Variants in DHRS7 observed in about 807,000 individuals in gnomAD.
DHRS7 encodes dehydrogenase/reductase SDR family member 7.
A neutral mutation model predicts 38.9 loss-of-function variants in DHRS7; 34 were observed. That is an observed-to-expected ratio of 0.87 (90% confidence interval 0.66 to 1.16). The LOEUF (loss-of-function observed/expected upper bound fraction) is 1.16, where lower values mean the gene tolerates loss of function less well. Among genes scored for constraint, DHRS7 ranks in the 50% most tolerant of loss-of-function variants. The pLI is 0.00. For synonymous variants in DHRS7, 158 were observed against 153.1 expected, an observed-to-expected ratio of 1.03 and a Z score of -0.24; for missense variants, 421 against 407.0, an observed-to-expected ratio of 1.03 and a Z score of -0.30.
chr14:60,147,507 T>G (rs983087786), intron 6 of DHRS7: 5 of 152,188 alleles, frequency 3.3e-5, no homozygotes, highest in Admixed American at 2.0e-4. Flanking sequence ...ATAATTTTTA[T>G]GTGTCAATTA....
rs192288471 is a variant in DHRS7, at chr14:60,148,250, A to G, written c.972+1103T>C. The G allele has an allele frequency of 6.6e-6, 1 of 152,340 alleles. No homozygotes were observed. Among genetic ancestry groups the G allele is most frequent in the East Asian group, 1.9e-4 (1 of 5,180 alleles). The allele number at this position is 152,340 out of a possible 1,614,324, so 9.4% of individuals were successfully genotyped here. On this transcript the variant is annotated intron_variant, in intron 6 of 6. Transcript: ENST00000557185. This position sits in a 1 kb window ranked among gnomAD's most constrained non-coding sequence, Gnocchi z 4.8. ...GTGGATTGCTTAAATTTTTGCAGGT[A>G]TATATAGTATGATCTTGTTTTATAA... is the stretch of plus-strand genomic sequence containing the variant.
chr14:60,163,930 G>A (rs1896813276), intron 1 of DHRS7, among the ~76,000 whole-genome samples: 1 of 152,180 alleles, frequency 6.6e-6, no homozygotes, highest in Non-Finnish European at 1.5e-5. Flanking sequence ...AATCGATCAA[G>A]AGAAAGCCCT....
chr14:60,157,299 C>T (rs1896678625), intron 1 of DHRS7, among the ~76,000 whole-genome samples: 1 of 152,210 alleles, frequency 6.6e-6, no homozygotes, highest in African/African-American at 2.4e-5. Flanking sequence ...AGAACACATC[C>T]TTCACAGGAT....
chr14:60,160,595 G>T (rs963863890), intron 1 of DHRS7, among the ~76,000 whole-genome samples: 1 of 151,780 alleles, frequency 6.6e-6, no homozygotes, highest in Admixed American at 6.6e-5. Flanking sequence ...CGGGGGGACG[G>T]GGGGAGGGGA....
At chr14:60,151,282 A>G (rs1896538935) in intron 4 of DHRS7, among the ~76,000 whole-genome samples, 1 of 152,174 alleles carries the variant, frequency 6.6e-6, no homozygotes, top group Admixed American at 6.5e-5. Flanking sequence ...GATACTGACC[A>G]TTTCTAAACC....
chr14:60,156,341 A>G (rs1254039), intron 1 of DHRS7, among the ~76,000 whole-genome samples, 189 bp from the exon 2 acceptor site: 26,307 of 151,958 alleles, frequency 0.17, 2,738 homozygotes, highest in South Asian at 0.3. Context: ...AAGCATTAAT[A>G]CAAATCATAC....
intron 4 of DHRS7, among the ~76,000 whole-genome samples, chr14:60,150,857 G>A (rs561439194): frequency 1.3e-5 from 2 of 152,264 alleles, no homozygotes; most frequent in East Asian, 1.9e-4. Flanking sequence ...TTGATAGTGA[G>A]GGGTCTTCCC....
At chr14:60,166,165 C>A, upstream of DHRS7, 1 of 926,320 alleles carries the variant, frequency 1.1e-6, no homozygotes, top group Non-Finnish European at 1.3e-6. Context: ...TTTGAAATGA[C>A]CTTCAAAACA....
rs996126448 is a variant in DHRS7 at position 60,148,335 on chromosome 14, A to G, written c.972+1018T>C. On this transcript the variant is annotated intron_variant, in intron 6 of 6. Coordinates refer to ENST00000557185, the MANE Select transcript of DHRS7 (RefSeq NM_016029.4). The surrounding 1 kb of genome is among the most constrained non-coding windows in gnomAD (Gnocchi z 4.8). The stretch of plus-strand genomic sequence containing the variant: ...TTCTAAAAGAAGGTGGTAACAAAGT[A>G]TATCAAAGGCTAACAGTAAAAACCA... The G allele has an allele frequency of 7.2e-5, 11 of 152,238 alleles. No homozygotes were observed. Among genetic ancestry groups the G allele is most frequent in the South Asian group, 2.1e-4 (1 of 4,838 alleles). The allele number at this position is 152,238 out of a possible 1,614,324, so 9.4% of individuals were successfully genotyped here.
chr14:60,161,768 G>A lies in DHRS7; in HGVS notation c.133+3409C>T, dbSNP rs977659659. 1.3e-5 allele frequency among the ~76,000 whole-genome samples: 2 copies of A among 152,182 alleles called. No individual in the cohort carries two copies. The highest frequency in any genetic ancestry group is 4.8e-5 in the African/African-American group (2 of 41,438). ...GTCCCCCAGAAGGTAGGGTCTATGA[G>A]GGCCTGGACTGTGGCTGATTCAGTC... On this transcript the variant is annotated intron_variant, in intron 1 of 6. Transcript: ENST00000557185. The surrounding 1 kb of genome is among the most constrained non-coding windows in gnomAD (Gnocchi z 4.2).
upstream of DHRS7, among the ~76,000 whole-genome samples, chr14:60,167,727 G>A (rs1896885704): frequency 6.6e-6 from 1 of 152,166 alleles, no homozygotes; most frequent in South Asian, 2.1e-4. Context: ...ATCTAGGGAG[G>A]GAATATTCTT....
chr14:60,155,168 G>C (rs946202974), intron 2 of DHRS7, among the ~76,000 whole-genome samples: 7 of 152,102 alleles, frequency 4.6e-5, no homozygotes, highest in Non-Finnish European at 8.8e-5. Context: ...GAACATAATG[G>C]CTGGGTGCGG....
At chr14:60,165,437 G>A, upstream of DHRS7, 1 of 1,391,090 alleles carries the variant, frequency 7.2e-7, no homozygotes, top group Non-Finnish European at 9.3e-7. The surrounding 1 kb of genome is among the most constrained non-coding windows in gnomAD (Gnocchi z 4.6). Flanking sequence ...TCCGCCCAGG[G>A]AGCAGGCCGG....
intron 4 of DHRS7, among the ~76,000 whole-genome samples, chr14:60,150,925 A>T (rs1190457933): frequency 6.6e-6 from 1 of 152,120 alleles, no homozygotes; most frequent in Admixed American, 6.5e-5. Context: ...ATCCCTATAG[A>T]TTCTGATATA....
intron 1 of DHRS7, among the ~76,000 whole-genome samples, chr14:60,160,776 A>G (rs1026073731): frequency 7.9e-5 from 12 of 151,912 alleles, no homozygotes; most frequent in Non-Finnish European, 1.6e-4. Context: ...TTTTTTGTAG[A>G]TATGAGGTTT....
At chr14:60,167,826 G>C (rs751188977), upstream of DHRS7, among the ~76,000 whole-genome samples, 38 of 152,180 alleles carry the variant, frequency 2.5e-4, no homozygotes, top group Non-Finnish European at 5.1e-4. Flanking sequence ...GATGAACAGT[G>C]GCCATAGTGC....
chr14:60,164,709 G>A (rs1012637415), intron 1 of DHRS7, among the ~76,000 whole-genome samples: 1 of 152,188 alleles, frequency 6.6e-6, no homozygotes, highest in Non-Finnish European at 1.5e-5. Flanking sequence ...AAAACTGCAG[G>A]AGTGGGAAGT....
At chr14:60,154,094 G>T (rs755070233) in intron 2 of DHRS7, 29 bp from the exon 3 acceptor site, 2 of 1,575,714 alleles carry the variant, frequency 1.3e-6, no homozygotes, top group Non-Finnish European at 8.7e-7. Flanking sequence ...TTGTGTGGAA[G>T]TCATGCCATA....
Position 60,156,126 on chromosome 14 carries a change from A to G in DHRS7, c.160T>C (p.Trp54Arg), listed in dbSNP as rs1268227201. ...PEWELTDMVV[W>R]VTGASSGIGE... ...ATTCCACTCGAGGCTCCAGTCACCC[A>G]CACCACCATATCAGTCAGCTCCCAT... The change falls in exon 2 of 7, where the codon TGG becomes CGG. Residue 54 changes from tryptophan (W) to arginine (R), a missense_variant. Transcript: ENST00000557185. 2 of 1,599,538 alleles carry G rather than the reference A, an allele frequency of 1.3e-6. No homozygotes were observed. The highest frequency in any genetic ancestry group is 2.3e-5 in the East Asian group (1 of 43,700).
Sources: allele counts gnomAD v4.1 joint callset (sites outside exome capture counted in the v4.1 genomes callset), GRCh38; gene constraint gnomAD v4.1.1; non-coding constraint Gnocchi (gnomAD v3.1); transcripts MANE v1.5; gene names NCBI Gene and HGNC (gene_info 2026-07-23, HGNC 2026-07-21).